SDK1: variants seen among roughly 807,000 people sequenced by gnomAD.
The protein encoded by SDK1 is protein sidekick-1.
SDK1 carries 157 observed loss-of-function variants against 245.5 expected under a neutral mutation model. The observed-to-expected ratio is 0.64, with a 90% CI of 0.56 to 0.73. The LOEUF (loss-of-function observed/expected upper bound fraction) is 0.73, where lower values mean the gene tolerates loss of function less well. Among genes scored for constraint, SDK1 ranks in the 30% least tolerant of loss-of-function variants. The pLI is 0.00. For synonymous variants in SDK1, 1,647 were observed against 1,278.5 expected, an observed-to-expected ratio of 1.29 and a Z score of -6.15; for missense variants, 3,583 against 3,002.3, an observed-to-expected ratio of 1.19 and a Z score of -4.52.
At chr7:4,102,627 A>C (rs958219385) in intron 22 of SDK1, among the ~76,000 whole-genome samples, 1 of 152,064 alleles carries the variant, frequency 6.6e-6, no homozygotes, top group Admixed American at 6.6e-5. Flanking sequence ...CGGAGTGCTG[A>C]GCTCACCATG....
At chr7:3,776,048 C>G (rs1389208405) in intron 4 of SDK1, among the ~76,000 whole-genome samples, 3 of 152,234 alleles carry the variant, frequency 2.0e-5, no homozygotes, top group Non-Finnish European at 4.4e-5. Context: ...CCACAGGATT[C>G]TTCATTCATC....
intron 1 of SDK1, among the ~76,000 whole-genome samples, chr7:3,383,909 T>G (rs1053999870): frequency 6.6e-6 from 1 of 152,216 alleles, no homozygotes; most frequent in Middle Eastern, 3.4e-3. Context: ...TCAGCTGGAG[T>G]CAATCTTATG....
At position 3,475,189 on chromosome 7, in the gene SDK1, G is replaced by A. The variant is rs1350924588; in HGVS notation, c.299-143891G>A. ...TGATGACTAGTTAGTTCCAGGGTCT[G>A]GAACCTGAACTCTCCCTCCTGCTCT... On this transcript the variant is annotated intron_variant, in intron 1 of 44. Transcript: ENST00000404826. 3.3e-5 allele frequency among the ~76,000 whole-genome samples: 5 copies of A among 152,194 alleles called. No homozygotes were observed. In the East Asian group the frequency reaches 7.7e-4, roughly 23 times the overall value.
intron 4 of SDK1, among the ~76,000 whole-genome samples, chr7:3,692,077 A>ACT (rs1486201183): frequency 6.6e-6 from 1 of 152,012 alleles, no homozygotes; most frequent in African/African-American, 2.4e-5. Flanking sequence ...TATGCTTCCT[A>ACT]CTCTCATTTA....
At chr7:3,803,534 C>G (rs1045906840) in intron 4 of SDK1, among the ~76,000 whole-genome samples, 10 of 152,000 alleles carry the variant, frequency 6.6e-5, no homozygotes, top group South Asian at 2.1e-4. Context: ...TGGTCTCAAA[C>G]TCCTGACCTC....
At chr7:3,636,808 G>A (rs1782468783) in intron 2 of SDK1, among the ~76,000 whole-genome samples, 1 of 152,170 alleles carries the variant, frequency 6.6e-6, no homozygotes. Flanking sequence ...ACATTCCCAT[G>A]TACAGTAGTT....
chr7:3,998,318 G>C (rs530909769), intron 14 of SDK1, among the ~76,000 whole-genome samples: 3 of 152,272 alleles, frequency 2.0e-5, no homozygotes, highest in Non-Finnish European at 4.4e-5. Context: ...GCGGCAGGCT[G>C]TCTAGAGCAG....
At chr7:3,738,161 G>C (rs2158757) in intron 4 of SDK1, among the ~76,000 whole-genome samples, 46,717 of 152,064 alleles carry the variant, frequency 0.31, 10,629 homozygotes, top group African/African-American at 0.64. Context: ...ATGTTTTATT[G>C]TAAGTGCTTT....
chr7:3,673,972 TA>T (rs1263855896), intron 4 of SDK1, among the ~76,000 whole-genome samples: 3 of 152,204 alleles, frequency 2.0e-5, no homozygotes, highest in Non-Finnish European at 4.4e-5. Flanking sequence ...AGATAATTTC[TA>T]ATAACTTTTT....
rs1417856290 is a variant in SDK1 at position 3,321,833 on chromosome 7, T to TTCCTTCC, written c.298+19950_298+19951insCCTTCCT. Reference sequence around the variant, plus strand: ...CCTTCCTTCCTTCCTTCCTTCCTCCTTTTCTCTCTCTCTCTCTCTCTTTCT... The same window carrying TTCCTTCC: ...CCTTCCTTCCTTCCTTCCTTCCTCCTTCCTTCCTTTCTCTCTCTCTCTCTCTCTTTCT... On this transcript the variant is annotated intron_variant, in intron 1 of 44. Coordinates refer to ENST00000404826, the MANE Select transcript of SDK1 (RefSeq NM_152744.4). Among the ~76,000 whole-genome samples, 65 of 103,772 alleles carry TTCCTTCC rather than the reference T, an allele frequency of 6.3e-4. 1 individual carries two copies. The highest frequency in any genetic ancestry group is 2.4e-3 in the African/African-American group (62 of 26,160). The allele number at this position is 103,772 out of a possible 152,430, so 68.1% of individuals were successfully genotyped here.
chr7:3,892,559 G>C (rs567089629), intron 5 of SDK1, among the ~76,000 whole-genome samples: 3 of 152,324 alleles, frequency 2.0e-5, no homozygotes, highest in African/African-American at 7.2e-5. Context: ...GATGAGGAGA[G>C]GGCAGAGACA....
At position 3,821,519 on chromosome 7, in the gene SDK1, G is replaced by A. The variant is rs1779645722; in HGVS notation, c.783G>A (p.Val261=). The A allele has an allele frequency of 3.1e-6, 5 of 1,613,844 alleles. No individual in the cohort carries two copies. The highest frequency in any genetic ancestry group is 4.2e-6 in the Non-Finnish European group (5 of 1,179,860). ...CCAGTGATGCCGGGGCATACTACGT[G>A]CAGGCCGTGAATGAGAAAAATGGAG... The part of the protein sequence containing the change: ...TTTSDAGAYY[V]QAVNEKNGEN... The change falls in exon 5 of 45, where the codon GTG becomes GTA. Residue 261 remains valine (V), a synonymous_variant. Transcript: ENST00000404826.
intron 4 of SDK1, among the ~76,000 whole-genome samples, chr7:3,757,505 G>A (rs183307369): frequency 1.1e-4 from 17 of 152,226 alleles, no homozygotes; most frequent in African/African-American, 2.9e-4. Flanking sequence ...CCAAAGTGCT[G>A]GGACTACAGG....
intron 1 of SDK1, among the ~76,000 whole-genome samples, chr7:3,390,455 C>T (rs1249006487): frequency 6.6e-6 from 1 of 152,276 alleles, no homozygotes; most frequent in African/African-American, 2.4e-5. Context: ...CTGGAAGCAT[C>T]TTTCCTATAC....
chr7:3,358,465 C>CT (rs1475037209), intron 1 of SDK1, among the ~76,000 whole-genome samples: 3 of 139,530 alleles, frequency 2.2e-5, no homozygotes, highest in African/African-American at 7.8e-5. Flanking sequence ...TTTCTCTTTT[C>CT]TTTTTTTCCC....
At chr7:3,355,962 G>C (rs1206683625) in intron 1 of SDK1, among the ~76,000 whole-genome samples, 2 of 152,132 alleles carry the variant, frequency 1.3e-5, no homozygotes, top group East Asian at 3.9e-4. Flanking sequence ...TCTCCAGCTT[G>C]TCCTCCACGC....
chr7:3,865,753 C>A (rs752042303), intron 5 of SDK1, among the ~76,000 whole-genome samples: 3 of 151,878 alleles, frequency 2.0e-5, no homozygotes, highest in Non-Finnish European at 4.4e-5. Flanking sequence ...GGCCTCAAGC[C>A]TCCCAAAACG....
In SDK1 at chr7:3,947,100, A is replaced by G. The variant is rs915891709; in HGVS notation, c.848-3823A>G. 3.3e-5 allele frequency among the ~76,000 whole-genome samples: 5 copies of G among 152,114 alleles called. No homozygotes were observed. The East Asian group carries it at 9.6e-4, about 29-fold the overall frequency. On this transcript the variant is annotated intron_variant, in intron 5 of 44. Transcript: ENST00000404826. ...CTTCTCAAAATATAGTCCAAACAGT[A>G]TGTGTAGGCCTTTTGTTATTTACCA... is the stretch of plus-strand genomic sequence containing the variant.
chr7:3,525,600 A>C (rs1463634187), intron 1 of SDK1, among the ~76,000 whole-genome samples: 2 of 152,094 alleles, frequency 1.3e-5, no homozygotes, highest in African/African-American at 4.8e-5. Context: ...CTCTAGCATT[A>C]GGTCGGGTTA....
Sources: allele counts gnomAD v4.1 joint callset (sites outside exome capture counted in the v4.1 genomes callset), GRCh38; gene constraint gnomAD v4.1.1; transcripts MANE v1.5; gene names NCBI Gene and HGNC (gene_info 2026-07-23, HGNC 2026-07-21).